The following GRID1 variants were observed in gnomAD, a reference collection of about 807,000 sequenced individuals.
The protein encoded by GRID1 is glutamate receptor ionotropic, delta-1.
GRID1 carries 28 observed loss-of-function variants against 98.0 expected under a neutral mutation model. That is an observed-to-expected ratio of 0.29 (90% confidence interval 0.21 to 0.39). The LOEUF (loss-of-function observed/expected upper bound fraction) is 0.39, where lower values mean the gene tolerates loss of function less well. Among genes scored for constraint, GRID1 ranks in the 10% least tolerant of loss-of-function variants. GRID1 has a pLI of 1.00. For missense variants in GRID1, 1,111 were observed against 1,340.5 expected (o/e 0.83, Z 2.67); for synonymous variants, 553 against 538.5 (o/e 1.03, Z -0.37).
At chr10:85,614,316 C>A (rs1220982705) in intron 14 of GRID1, among the ~76,000 whole-genome samples, 5 of 152,156 alleles carry the variant, frequency 3.3e-5, no homozygotes, top group Admixed American at 6.5e-5. Context: ...CTAGAGAAAC[C>A]CTCACTAAGG....
intron 4 of GRID1, among the ~76,000 whole-genome samples, chr10:85,952,777 A>C (rs913487127): frequency 6.6e-6 from 1 of 152,192 alleles, no homozygotes; most frequent in African/African-American, 2.4e-5. Context: ...AGAACTGTAC[A>C]CAGTTGATCC....
chr10:85,907,547 A>G (rs1021586763), intron 5 of GRID1, among the ~76,000 whole-genome samples: 9 of 152,234 alleles, frequency 5.9e-5, no homozygotes, highest in African/African-American at 1.7e-4. Context: ...ACACTTCCCT[A>G]AAGAAAACTC....
chr10:86,331,163 G>A (rs1033376093), intron 2 of GRID1, among the ~76,000 whole-genome samples: 1 of 152,224 alleles, frequency 6.6e-6, no homozygotes, highest in Non-Finnish European at 1.5e-5. Context: ...CCTGGCCCAC[G>A]GGATGTGTTG....
chr10:85,905,058 GA>G (rs1485828769), intron 5 of GRID1, among the ~76,000 whole-genome samples: 1 of 151,592 alleles, frequency 6.6e-6, no homozygotes, highest in Non-Finnish European at 1.5e-5. Flanking sequence ...AAAACAAGAA[GA>G]AAACCATGCC....
chr10:85,610,531 C>T (rs1842720563), intron 15 of GRID1, among the ~76,000 whole-genome samples: 1 of 152,202 alleles, frequency 6.6e-6, no homozygotes, highest in African/African-American at 2.4e-5. Flanking sequence ...AAGCTCAGTT[C>T]TAACAGCTCT....
intron 5 of GRID1, among the ~76,000 whole-genome samples, chr10:85,877,677 A>G (rs111934621): frequency 0.06 from 9,083 of 152,138 alleles, 318 homozygotes; most frequent in Non-Finnish European, 0.079. Context: ...GGGAAAAAAC[A>G]GAGCAGAAAA....
At chr10:85,980,450 G>T (rs1842530924) in intron 4 of GRID1, among the ~76,000 whole-genome samples, 1 of 152,250 alleles carries the variant, frequency 6.6e-6, no homozygotes, top group African/African-American at 2.4e-5. Flanking sequence ...GAAATGACTT[G>T]TCCAAGGTTG....
intron 8 of GRID1, among the ~76,000 whole-genome samples, chr10:85,826,020 G>A (rs979912873): frequency 6.6e-6 from 1 of 152,194 alleles, no homozygotes; most frequent in Non-Finnish European, 1.5e-5. Flanking sequence ...TATATTGACT[G>A]TAAGTAGATA....
chr10:85,609,000 C>T (rs1193381005), intron 15 of GRID1, among the ~76,000 whole-genome samples: 2 of 152,128 alleles, frequency 1.3e-5, no homozygotes, highest in African/African-American at 2.4e-5. Context: ...AGGAGCCTGG[C>T]CCTGGGTAGA....
chr10:85,607,497 A>G (rs1336475882), intron 15 of GRID1, among the ~76,000 whole-genome samples: 1 of 152,168 alleles, frequency 6.6e-6, no homozygotes, highest in Admixed American at 6.5e-5. Context: ...TAGGGGTCTG[A>G]GAGTATTGGC....
intron 8 of GRID1, among the ~76,000 whole-genome samples, chr10:85,806,508 T>C (rs1198662258): frequency 6.6e-6 from 1 of 152,050 alleles, no homozygotes; most frequent in Non-Finnish European, 1.5e-5. Flanking sequence ...TAATTGCATG[T>C]GAATGTTCTC....
chr10:86,247,746 G>A (rs1281297497), intron 2 of GRID1, among the ~76,000 whole-genome samples: 1 of 152,178 alleles, frequency 6.6e-6, no homozygotes, highest in African/African-American at 2.4e-5. Context: ...AGACAGAGCA[G>A]AGACTGGCAC....
chr10:85,869,616 A>G (rs975002326), intron 5 of GRID1, among the ~76,000 whole-genome samples: 1 of 152,230 alleles, frequency 6.6e-6, no homozygotes, highest in Admixed American at 6.5e-5. Flanking sequence ...CCAGAATTAC[A>G]TTCATTTTAC....
chr10:86,207,791 C>A (rs1589411155), intron 2 of GRID1, among the ~76,000 whole-genome samples: 1 of 151,934 alleles, frequency 6.6e-6, no homozygotes, highest in Admixed American at 6.6e-5. Flanking sequence ...GCCACCATGC[C>A]CGGCTAATTT....
intron 4 of GRID1, among the ~76,000 whole-genome samples, chr10:86,089,861 C>T (rs1427791341): frequency 6.6e-6 from 1 of 152,014 alleles, no homozygotes; most frequent in East Asian, 1.9e-4. Context: ...ATTCTCCTGC[C>T]TCAGCCTCCC....
At chr10:86,121,595 C>CACCA in intron 4 of GRID1, among the ~76,000 whole-genome samples, 2 of 121,586 alleles carry the variant, frequency 1.6e-5, no homozygotes, top group South Asian at 2.7e-4. Flanking sequence ...TCACCATCAT[C>CACCA]TCACCATCAT....
intron 12 of GRID1, among the ~76,000 whole-genome samples, chr10:85,664,594 CTCAG>C (rs1377568601): frequency 6.6e-6 from 1 of 152,190 alleles, no homozygotes; most frequent in Non-Finnish European, 1.5e-5. Flanking sequence ...AAGCAATGAG[CTCAG>C]TCTCTTCACT....
intron 4 of GRID1, among the ~76,000 whole-genome samples, chr10:86,035,034 G>A (rs2131895342): frequency 6.6e-6 from 1 of 152,048 alleles, no homozygotes; most frequent in Admixed American, 6.5e-5. Context: ...ACTAAATCTA[G>A]GATCTAGGCT....
At chr10:85,957,180 C>A (rs747190972) in intron 4 of GRID1, among the ~76,000 whole-genome samples, 1 of 152,160 alleles carries the variant, frequency 6.6e-6, no homozygotes, top group African/African-American at 2.4e-5. Context: ...GATTACAATT[C>A]GGATTACAAT....
Sources: gnomAD v4.1 joint callset for allele counts (sites outside exome capture counted in the v4.1 genomes callset) on GRCh38, gnomAD v4.1.1 for gene constraint, MANE v1.5 for transcripts, NCBI Gene and HGNC (gene_info 2026-07-23, HGNC 2026-07-21) for gene names.